The following ERC2 variants were observed in gnomAD, a reference collection of about 807,000 sequenced individuals.
The protein encoded by ERC2 is ELKS/RAB6-interacting/CAST family member 2.
In ERC2, 42 loss-of-function variants were observed where a neutral mutation model predicts 114.8. The observed-to-expected ratio is 0.37, with a 90% CI of 0.29 to 0.47. ERC2 has a LOEUF of 0.47. Among genes scored for constraint, ERC2 ranks in the 20% least tolerant of loss-of-function variants. ERC2 has a pLI of 0.99. For synonymous variants in ERC2, 454 were observed against 425.5 expected, an observed-to-expected ratio of 1.07 and a Z score of -0.82; for missense variants, 939 against 1,150.7, an observed-to-expected ratio of 0.82 and a Z score of 2.66.
Position 56,340,579 on chromosome 3 carries a change from T to TG in ERC2, c.658-44145_658-44144insC, listed in dbSNP as rs1576500213. Among the ~76,000 whole-genome samples the TG allele has an allele frequency of 8.6e-5, 13 of 150,892 alleles. No homozygotes were observed. In the South Asian group the frequency reaches 1.5e-3, roughly 17 times the overall value. On this transcript the variant is annotated intron_variant, in intron 2 of 17. Coordinates refer to ENST00000288221, the MANE Select transcript of ERC2 (RefSeq NM_015576.3). ...GTGTGTGTGTGTGTGTGTGTGTGTG[T>TG]TTAATCTCACTAATTTACAGAGCAT...
At chr3:56,290,678 G>A (rs769280844) in intron 3 of ERC2, among the ~76,000 whole-genome samples, 2 of 152,204 alleles carry the variant, frequency 1.3e-5, no homozygotes, top group African/African-American at 2.4e-5. Context: ...TTTGGGCAGA[G>A]ATTATACAGG....
At chr3:56,129,537 C>T (rs2080080564) in intron 6 of ERC2, among the ~76,000 whole-genome samples, 1 of 152,186 alleles carries the variant, frequency 6.6e-6, no homozygotes, top group Non-Finnish European at 1.5e-5. Flanking sequence ...CTCCTAAATT[C>T]TGTCATCTCC....
chr3:56,040,832 A>G (rs897770653), intron 7 of ERC2, among the ~76,000 whole-genome samples: 2 of 149,724 alleles, frequency 1.3e-5, no homozygotes, highest in Non-Finnish European at 3.0e-5. Context: ...ATGTATCTAT[A>G]TATCTCCCCT....
At chr3:55,864,257 A>ATG (rs560391146) in intron 14 of ERC2, among the ~76,000 whole-genome samples, 41 of 148,088 alleles carry the variant, frequency 2.8e-4, no homozygotes, top group African/African-American at 8.7e-4. Flanking sequence ...ATGTATATAT[A>ATG]TGTGTGTGTG....
chr3:56,136,541 T>G (rs1353733510), intron 6 of ERC2, among the ~76,000 whole-genome samples: 1 of 152,094 alleles, frequency 6.6e-6, no homozygotes, highest in African/African-American at 2.4e-5. Context: ...AAATTCAGAT[T>G]TTTCATTGTA....
At chr3:56,196,632 TAAC>T (rs2048123948) in intron 3 of ERC2, among the ~76,000 whole-genome samples, 1 of 152,100 alleles carries the variant, frequency 6.6e-6, no homozygotes, top group Admixed American at 6.6e-5. Context: ...TTTTAGCTTC[TAAC>T]AACTACAGTG....
rs138954567 is a variant in ERC2 at position 55,696,215 on chromosome 3, G to A, written c.2847+3163C>T. On this transcript the variant is annotated intron_variant, in intron 16 of 17. Transcript: ENST00000288221. ...GTAATTGAATTACCTAAGGTAAAACGAGTTTTTCTGGAAAAGTAACAAGGC... is the reference window on the plus strand; with the variant it reads ...GTAATTGAATTACCTAAGGTAAAACAAGTTTTTCTGGAAAAGTAACAAGGC... 2.3e-3 allele frequency among the ~76,000 whole-genome samples: 351 copies of A among 152,290 alleles called. 2 individuals are homozygous for A. The highest frequency in any genetic ancestry group is 8.0e-3 in the African/African-American group (334 of 41,568).
chr3:55,835,370 T>A lies in ERC2; in HGVS notation c.2564+53019A>T, dbSNP rs558634963. Reference sequence around the variant, plus strand: ...AATCCTCAATGAAATACTGGCAAACTGAATCCAGCAACACATCAAAAAGCT... The same window carrying A: ...AATCCTCAATGAAATACTGGCAAACAGAATCCAGCAACACATCAAAAAGCT... On this transcript the variant is annotated intron_variant, in intron 14 of 17. Coordinates refer to ENST00000288221, the MANE Select transcript of ERC2 (RefSeq NM_015576.3). Among the ~76,000 whole-genome samples the A allele has an allele frequency of 1.1e-4, 17 of 152,260 alleles. No individual in the cohort carries two copies. In the South Asian group the frequency reaches 1.5e-3, roughly 13 times the overall value.
chr3:55,799,111 G>A (rs530816909), intron 14 of ERC2, among the ~76,000 whole-genome samples: 1 of 152,150 alleles, frequency 6.6e-6, no homozygotes, highest in East Asian at 1.9e-4. Flanking sequence ...TAGGGGCCAT[G>A]TACAGCTCAG....
chr3:56,161,555 TG>T lies in ERC2; in HGVS notation c.1149+11890del, dbSNP rs2082048989. Reference sequence around the variant, plus strand: ...ATGGAATGTTTTTTCCATTTGTTTATGTCATCTGTGATTTCTTTGAGCAGTG... The same window carrying T: ...ATGGAATGTTTTTTCCATTTGTTTATTCATCTGTGATTTCTTTGAGCAGTG... On this transcript the variant is annotated intron_variant, in intron 4 of 17. Coordinates refer to ENST00000288221, the MANE Select transcript of ERC2 (RefSeq NM_015576.3). Among the ~76,000 whole-genome samples, 4 of 152,326 alleles carry T rather than the reference TG, an allele frequency of 2.6e-5. No individual in the cohort carries two copies. In the South Asian group the frequency reaches 8.3e-4, roughly 32 times the overall value.
intron 14 of ERC2, among the ~76,000 whole-genome samples, chr3:55,868,093 G>T (rs753909641): frequency 2.0e-4 from 31 of 152,044 alleles, no homozygotes; most frequent in Non-Finnish European, 4.0e-4. Flanking sequence ...CTTTCCTGAC[G>T]ATGTGTACGT....
At chr3:56,143,720 A>T (rs1461497735) in intron 5 of ERC2, among the ~76,000 whole-genome samples, 1 of 152,176 alleles carries the variant, frequency 6.6e-6, no homozygotes, top group South Asian at 2.1e-4. Flanking sequence ...TGCTCTACTT[A>T]TCACACAGGC....
At chr3:56,214,511 A>G (rs996460904) in intron 3 of ERC2, among the ~76,000 whole-genome samples, 12 of 152,232 alleles carry the variant, frequency 7.9e-5, no homozygotes, top group African/African-American at 2.4e-4. Context: ...CCAAATCTAC[A>G]TCTGATTGGT....
intron 3 of ERC2, among the ~76,000 whole-genome samples, chr3:56,175,406 A>G (rs1575691427): frequency 6.6e-6 from 1 of 152,224 alleles, no homozygotes; most frequent in South Asian, 2.1e-4. Context: ...ATTTATGAAT[A>G]CAGAAACAGA....
At chr3:55,778,418 C>G (rs1413458890) in intron 14 of ERC2, among the ~76,000 whole-genome samples, 1 of 152,188 alleles carries the variant, frequency 6.6e-6, no homozygotes, top group East Asian at 1.9e-4. Flanking sequence ...ATGTATTTCA[C>G]TAGACATAAT....
At chr3:56,174,847 G>A (rs563568344) in intron 3 of ERC2, among the ~76,000 whole-genome samples, 2 of 152,126 alleles carry the variant, frequency 1.3e-5, no homozygotes, top group East Asian at 1.9e-4. Flanking sequence ...GCATAGTGGC[G>A]TGTGCCTGTA....
chr3:56,118,169 G>A (rs944037582), intron 6 of ERC2, among the ~76,000 whole-genome samples: 1 of 152,210 alleles, frequency 6.6e-6, no homozygotes, highest in African/African-American at 2.4e-5. Flanking sequence ...TTCCTCATCT[G>A]TAAAACAGGA....
intron 17 of ERC2, among the ~76,000 whole-genome samples, chr3:55,626,241 G>C (rs77224384): frequency 0.021 from 3,131 of 152,226 alleles, 43 homozygotes; most frequent in Middle Eastern, 0.065. Flanking sequence ...TCCCAGTTAA[G>C]CTTGAGGTAT....
At chr3:56,466,785 A>G (rs1461910837) in intron 1 of ERC2, among the ~76,000 whole-genome samples, 1 of 152,218 alleles carries the variant, frequency 6.6e-6, no homozygotes, top group Non-Finnish European at 1.5e-5. Flanking sequence ...AGTACTGTAT[A>G]CTGAGAAACA....
Sources: gnomAD v4.1 joint callset for allele counts (sites outside exome capture counted in the v4.1 genomes callset) on GRCh38, gnomAD v4.1.1 for gene constraint, MANE v1.5 for transcripts, NCBI Gene and HGNC (gene_info 2026-07-23, HGNC 2026-07-21) for gene names.